Variants in TRIM55 observed in about 807,000 individuals in gnomAD.
TRIM55 encodes the protein tripartite motif-containing protein 55.
TRIM55 carries 50 observed loss-of-function variants against 60.9 expected under a neutral mutation model. The ratio of observed to expected loss-of-function variants is 0.82; its 90% CI spans 0.65 to 1.04. The LOEUF (loss-of-function observed/expected upper bound fraction) is 1.04, where lower values mean the gene tolerates loss of function less well. Among genes scored for constraint, TRIM55 ranks in the 50% least tolerant of loss-of-function variants. The probability of loss-of-function intolerance (pLI) is 0.00; values close to 1 mark genes in which losing one functional copy is unlikely to be tolerated. For synonymous variants in TRIM55, 237 were observed against 238.1 expected (o/e 1.00, Z 0.04); for missense variants, 681 against 666.9 (o/e 1.02, Z -0.23).
At chr8:66,135,222 C>T in intron 3 of TRIM55, 67 bp downstream of exon 3, 4 of 1,564,826 alleles carry the variant, frequency 2.6e-6, no homozygotes, top group Non-Finnish European at 3.5e-6. Flanking sequence ...CTTCCTGGGG[C>T]CAGTGTGAGT....
At chr8:66,149,939 TC>T in intron 5 of TRIM55, 61 bp downstream of exon 5, 1 of 1,315,634 alleles carries the variant, frequency 7.6e-7, no homozygotes. Flanking sequence ...AAATTAGTTA[TC>T]ACATTTTTAT....
chr8:66,115,687 T>C, the TRIM55 span, among the ~76,000 whole-genome samples: 5 of 152,344 alleles, frequency 3.3e-5, no homozygotes, highest in East Asian at 9.6e-4. Flanking sequence ...TAATGCATAG[T>C]GGTTAGTCAG....
chr8:66,140,744 C>T (rs1809759939), intron 4 of TRIM55, among the ~76,000 whole-genome samples: 3 of 152,226 alleles, frequency 2.0e-5, no homozygotes, highest in African/African-American at 7.2e-5. Flanking sequence ...GGATTATCTA[C>T]CAGGGTCAGG....
chr8:66,113,749 G>T, the TRIM55 span, among the ~76,000 whole-genome samples: 1 of 152,170 alleles, frequency 6.6e-6, no homozygotes, highest in Admixed American at 6.5e-5. Flanking sequence ...AGTCACACAG[G>T]AGGCAGCGCC....
chr8:66,151,668 C>T (rs1304861793), intron 7 of TRIM55, among the ~76,000 whole-genome samples: 2 of 151,832 alleles, frequency 1.3e-5, no homozygotes, highest in African/African-American at 4.8e-5. Flanking sequence ...ATGGTGAAAC[C>T]CCATCTCTAC....
At chr8:66,155,798 T>G in intron 9 of TRIM55, 1 of 933,288 alleles carries the variant, frequency 1.1e-6, no homozygotes, top group Non-Finnish European at 1.6e-6. Flanking sequence ...GATTAATTTC[T>G]CCCCAAATCT....
At chr8:66,113,515 G>T in the TRIM55 span, 11 of 456,092 alleles carry the variant, frequency 2.4e-5, no homozygotes, top group African/African-American at 8.0e-5. Flanking sequence ...TTCCTTGGGT[G>T]CCTTCAGTGA....
At chr8:66,154,379 G>A in intron 9 of TRIM55, 45 bp downstream of exon 9, 1 of 1,591,844 alleles carries the variant, frequency 6.3e-7, no homozygotes, top group Non-Finnish European at 8.6e-7. Context: ...GCGCCCCCTA[G>A]GGTCCCACTG....
rs1226384334 is a variant in TRIM55 at position 66,135,084 on chromosome 8, C to G, written c.436C>G (p.Leu146Val). 6.2e-7 allele frequency: 1 copy of G among 1,614,212 alleles called. No individual in the cohort carries two copies. Among genetic ancestry groups the G allele is most frequent in the South Asian group, 1.1e-5 (1 of 91,084 alleles). The part of the protein sequence containing the change: ...CLNCEVPTCS[L>V]CKVFGAHKDC... ...GAACTGCGAAGTACCCACCTGCTCT[C>G]TGTGCAAGGTGTTTGGTGCACACAA... The change falls in exon 3 of 10, where the codon CTG becomes GTG. Residue 146 changes from leucine (L) to valine (V), a missense_variant. Leu to Val is a conservative substitution (Grantham distance 32). Transcript: ENST00000315962.
the TRIM55 span, among the ~76,000 whole-genome samples, chr8:66,121,021 T>C: frequency 2.0e-5 from 3 of 151,492 alleles, no homozygotes; most frequent in African/African-American, 7.3e-5. Context: ...CAGATCTACA[T>C]CTCTTTCCTG....
At chr8:66,140,509 C>T (rs13253380) in intron 4 of TRIM55, among the ~76,000 whole-genome samples, 14,954 of 152,254 alleles carry the variant, frequency 0.098, 1,152 homozygotes, top group East Asian at 0.31. Flanking sequence ...CTTTATGAAT[C>T]CCTCTTGACA....
the TRIM55 span, among the ~76,000 whole-genome samples, chr8:66,118,164 G>A: frequency 4.4e-5 from 3 of 67,518 alleles, no homozygotes; most frequent in African/African-American, 9.9e-5. Flanking sequence ...GCGAGACTCC[G>A]TCTCAAAAAA....
At chr8:66,130,650 C>A (rs1328682223) in intron 2 of TRIM55, among the ~76,000 whole-genome samples, 2 of 147,388 alleles carry the variant, frequency 1.4e-5, no homozygotes, top group East Asian at 1.9e-4. Flanking sequence ...CTCCACAAAA[C>A]CTAGCATTCT....
upstream of TRIM55, among the ~76,000 whole-genome samples, chr8:66,123,627 A>G (rs1336075046): frequency 6.6e-6 from 1 of 152,220 alleles, no homozygotes; most frequent in African/African-American, 2.4e-5. Flanking sequence ...AGGCCAAGGC[A>G]GGAGGATGGC....
Position 66,152,588 on chromosome 8 carries a change from T to C in TRIM55, c.1197T>C (p.Pro399=). 1 of 1,613,958 alleles carries C rather than the reference T, an allele frequency of 6.2e-7. No individual in the cohort carries two copies. The highest frequency in any genetic ancestry group is 2.2e-5 in the East Asian group (1 of 44,890). The change falls in exon 8 of 10, where the codon CCT becomes CCC. Residue 399 remains proline (P), a synonymous_variant. Transcript: ENST00000315962. Reference sequence around the variant, plus strand: ...TTCCAGTTTCCTCTCCAGAGCCACCTCCAGCCCTGCCACCTGCTGCGGATG... The same window carrying C: ...TTCCAGTTTCCTCTCCAGAGCCACCCCCAGCCCTGCCACCTGCTGCGGATG... ...GALPVSSPEP[P]PALPPAADAP... is the part of the protein sequence containing the mutation.
intron 9 of TRIM55, among the ~76,000 whole-genome samples, chr8:66,173,665 T>C (rs2128987900): frequency 6.6e-6 from 1 of 152,280 alleles, no homozygotes; most frequent in East Asian, 1.9e-4. Context: ...ATGTAAAGAG[T>C]TTGAGCTCAT....
chr8:66,127,021 C>T (rs961160079), upstream of TRIM55: 8 of 376,824 alleles, frequency 2.1e-5, no homozygotes, highest in African/African-American at 8.3e-5. Context: ...TCCTGCTCTC[C>T]GTCACCTGTC....
At chr8:66,149,612 A>G (rs201833353) in intron 4 of TRIM55, 33 bp from the exon 5 acceptor site, 2 of 1,536,094 alleles carry the variant, frequency 1.3e-6, no homozygotes, top group African/African-American at 2.7e-5. Flanking sequence ...TTTGTTTCAA[A>G]TACTTTCTAA....
intron 2 of TRIM55, among the ~76,000 whole-genome samples, chr8:66,130,706 G>T (rs1159966816): frequency 4.0e-5 from 6 of 149,478 alleles, no homozygotes; most frequent in Non-Finnish European, 8.9e-5. Context: ...TGTTTCCCAG[G>T]CTGGAGTGCA....
Sources: allele counts gnomAD v4.1 joint callset (sites outside exome capture counted in the v4.1 genomes callset), GRCh38; gene constraint gnomAD v4.1.1; transcripts MANE v1.5; gene names NCBI Gene and HGNC (gene_info 2026-07-23, HGNC 2026-07-21).